Variants in PHC2 observed in about 807,000 individuals in gnomAD.
The protein encoded by PHC2 is polyhomeotic-like protein 2.
PHC2 carries 29 observed loss-of-function variants against 87.4 expected under a neutral mutation model. The observed-to-expected ratio is 0.33, with a 90% confidence interval of 0.25 to 0.45. PHC2 has a LOEUF of 0.45. Ranked by LOEUF, PHC2 falls within the 20% of genes least tolerant of loss-of-function variation. The pLI, the probability that PHC2 is intolerant of heterozygous loss-of-function variation, is 1.00. For missense variants in PHC2, 857 were observed against 1,136.7 expected (o/e 0.75, Z 3.54); for synonymous variants, 438 against 461.7 (o/e 0.95, Z 0.66).
rs1646342394 is a variant in PHC2, at chr1:33,325,156, G to A, written c.2426-137C>T. The A allele has an allele frequency of 7.0e-6, 6 of 856,762 alleles. No individual in the cohort carries two copies. In the East Asian group the frequency reaches 1.7e-4, roughly 24 times the overall value. The allele number at this position is 856,762 out of a possible 1,614,324, so 53.1% of individuals were successfully genotyped here. A position where few individuals can be genotyped will look rare whatever the true frequency, so the allele number is the denominator to read the frequency against. ...GTCCTCATAACCACGCCTTGAGGAA[G>A]GCGCTGCTGTTCTTATTTTGCAGCT... is the stretch of plus-strand genomic sequence containing the variant. On this transcript the variant is annotated intron_variant, in intron 14 of 14. Transcript: ENST00000683057.
intron 1 of PHC2, among the ~76,000 whole-genome samples, chr1:33,399,879 T>C (rs1308939206): frequency 1.3e-5 from 2 of 152,222 alleles, no homozygotes; most frequent in Admixed American, 6.5e-5. Flanking sequence ...AATTCAGTTA[T>C]ATCTAATTTC....
chr1:33,335,160 A>G (rs1448609088), intron 9 of PHC2: 1 of 983,312 alleles, frequency 1.0e-6, no homozygotes, highest in Non-Finnish European at 1.2e-6. Context: ...AAGTGAGATT[A>G]CATGCCTATA....
At chr1:33,417,048 T>C (rs562713312) in intron 1 of PHC2, among the ~76,000 whole-genome samples, 19 of 152,228 alleles carry the variant, frequency 1.2e-4, no homozygotes, top group Admixed American at 1.1e-3. Flanking sequence ...TAAAGTGATA[T>C]ATATTATTTG....
In PHC2 at chr1:33,332,531, CA is replaced by C; in HGVS notation, c.1762-128del. The C allele has an allele frequency of 1.8e-6, 2 of 1,121,832 alleles. No individual in the cohort carries two copies. Among genetic ancestry groups the C allele is most frequent in the Non-Finnish European group, 2.6e-6 (2 of 765,450 alleles). 69.5% of individuals were successfully genotyped at this position (1,121,832 alleles called of 1,614,324 possible). On this transcript the variant is annotated intron_variant, in intron 10 of 14. Transcript: ENST00000683057. This position sits in a 1 kb window ranked among gnomAD's most constrained non-coding sequence, Gnocchi z 4.2. ...GGCCAGCCCTCCTCAAACCTTCCCC[CA>C]TGTCATCATCCAAGTGTGCTGGGCT...
At chr1:33,415,213 G>A (rs868564840) in intron 1 of PHC2, among the ~76,000 whole-genome samples, 6 of 152,220 alleles carry the variant, frequency 3.9e-5, no homozygotes, top group Non-Finnish European at 5.9e-5. Context: ...GAGTTCTATC[G>A]ACAGGCCTCC....
In PHC2 at chr1:33,370,592, A is replaced by G. The variant is rs1283089521; in HGVS notation, c.412-7T>C. ...GGGAGGCTGCCAGGTTGATCTAATG[A>G]GAGAGACATGTGCGGTAGGAGATAG... On this transcript the variant is annotated splice_polypyrimidine_tract_variant and splice_region_variant and intron_variant, in intron 4 of 14. Transcript: ENST00000683057. 6.2e-7 allele frequency: 1 copy of G among 1,610,084 alleles called. No individual in the cohort carries two copies. Among genetic ancestry groups the G allele is most frequent in the Non-Finnish European group, 8.5e-7 (1 of 1,177,104 alleles).
At position 33,332,411 on chromosome 1, in the gene PHC2, G is replaced by A. The variant is rs1303739194; in HGVS notation, c.1762-7C>T. ...GCAGGGACGAGCGTCCCACCTAGAG[G>A]ACAGGTAACACGGAGGCCGTGAGGG... On this transcript the variant is annotated splice_polypyrimidine_tract_variant and splice_region_variant and intron_variant, in intron 10 of 14. Transcript: ENST00000683057. The surrounding 1 kb of genome is among the most constrained non-coding windows in gnomAD (Gnocchi z 4.2). 4 of 1,614,106 alleles carry A rather than the reference G, an allele frequency of 2.5e-6. No individual in the cohort carries two copies. The African/African-American group carries it at 4.0e-5, about 16-fold the overall frequency.
At chr1:33,408,955 C>T (rs1649876691) in intron 1 of PHC2, among the ~76,000 whole-genome samples, 1 of 152,134 alleles carries the variant, frequency 6.6e-6, no homozygotes, top group Non-Finnish European at 1.5e-5. Context: ...TAGTTGAATA[C>T]TGAGAACAAT....
At chr1:33,401,979 GACT>G (rs1649551819) in intron 1 of PHC2, among the ~76,000 whole-genome samples, 1 of 152,120 alleles carries the variant, frequency 6.6e-6, no homozygotes, top group South Asian at 2.1e-4. Context: ...TGATACATTT[GACT>G]ACATTAAAAG....
At chr1:33,330,349 T>C (rs1646463407) in intron 12 of PHC2, 137 bp from the exon 13 acceptor site, 2 of 874,056 alleles carry the variant, frequency 2.3e-6, no homozygotes, top group Admixed American at 4.4e-5. Flanking sequence ...CACTAACTAC[T>C]AGCTGTGTGA....
chr1:33,406,431 G>C (rs1454507245), intron 1 of PHC2, among the ~76,000 whole-genome samples: 1 of 152,114 alleles, frequency 6.6e-6, no homozygotes, highest in Non-Finnish European at 1.5e-5. Context: ...GTGGCGGGGG[G>C]TGCAGTTCTA....
intron 1 of PHC2, among the ~76,000 whole-genome samples, chr1:33,429,433 G>A (rs114588631): frequency 6.6e-6 from 1 of 152,344 alleles, no homozygotes; most frequent in African/African-American, 2.4e-5. Flanking sequence ...TGCATTCGCT[G>A]TTCCCCCGCT....
intron 9 of PHC2, among the ~76,000 whole-genome samples, chr1:33,337,276 C>G (rs1646657778): frequency 6.6e-6 from 1 of 152,172 alleles, no homozygotes; most frequent in South Asian, 2.1e-4. Context: ...GTTTGAATAC[C>G]TCCAGCGACA....
At chr1:33,354,587 G>A (rs1647033193) in intron 8 of PHC2, 21 bp from the exon 9 acceptor site, 2 of 1,602,490 alleles carry the variant, frequency 1.2e-6, no homozygotes, top group Non-Finnish European at 1.7e-6. Context: ...ACAGGACAGA[G>A]AGGGGGGCCT....
chr1:33,393,463 GTTT>G (rs36030279), intron 1 of PHC2, among the ~76,000 whole-genome samples: 3 of 131,026 alleles, frequency 2.3e-5, no homozygotes, highest in African/African-American at 8.7e-5. Context: ...TTTTCAAGAG[GTTT>G]TTTTTTTTTT....
Position 33,349,817 on chromosome 1 carries a change from G to T in PHC2, c.1558+4584C>A. 1.0e-6 allele frequency: 1 copy of T among 976,964 alleles called. No homozygotes were observed. The highest frequency in any genetic ancestry group is 4.6e-5 in the South Asian group (1 of 21,818). 60.5% of individuals were successfully genotyped at this position (976,964 alleles called of 1,614,324 possible). On this transcript the variant is annotated intron_variant, in intron 9 of 14. Coordinates refer to ENST00000683057, the MANE Select transcript of PHC2 (RefSeq NM_001385109.1). This position sits in a 1 kb window ranked among gnomAD's most constrained non-coding sequence, Gnocchi z 4.2. The stretch of plus-strand genomic sequence containing the variant: ...AGGCCGGGACGGGGGCGCGAGGCCG[G>T]GGCGGGAGCGCGGGCGGCGGCCGGG...
At position 33,355,078 on chromosome 1, in the gene PHC2, G is replaced by A. The variant is rs548298869; in HGVS notation, c.1152C>T (p.Ser384=). 6.8e-6 allele frequency: 11 copies of A among 1,612,668 alleles called. No individual in the cohort carries two copies. The African/African-American group carries it at 8.0e-5, about 12-fold the overall frequency. Residue 384 remains serine, a synonymous_variant, in exon 8 of 15, where the codon AGC becomes AGT. Transcript: ENST00000683057. ...CCTCTGAGCTGGGCTGGAGGGCCAC[G>A]CTTGGAGAGACTGAGGCGAGCTGGG... ...PHPQLASVSP[S]VALQPSSEAH... is the part of the protein sequence containing the mutation.
chr1:33,376,145 G>A (rs1164620058), intron 1 of PHC2, among the ~76,000 whole-genome samples: 3 of 152,054 alleles, frequency 2.0e-5, no homozygotes, highest in African/African-American at 4.8e-5. Flanking sequence ...AGCGATTCTC[G>A]TGCCTCAGCC....
chr1:33,329,752 A>G (rs1052443081), intron 13 of PHC2, among the ~76,000 whole-genome samples: 2 of 152,204 alleles, frequency 1.3e-5, no homozygotes, highest in Non-Finnish European at 2.9e-5. Context: ...CCCTCCACGT[A>G]AGGCAGGAGG....
Sources: allele counts gnomAD v4.1 joint callset (sites outside exome capture counted in the v4.1 genomes callset), GRCh38; gene constraint gnomAD v4.1.1; non-coding constraint Gnocchi (gnomAD v3.1); transcripts MANE v1.5; gene names NCBI Gene and HGNC (gene_info 2026-07-23, HGNC 2026-07-21).